Variants in PRP4K observed in about 807,000 individuals in gnomAD.
The protein encoded by PRP4K is serine/threonine-protein kinase PRP4 homolog.
At chr6:4,043,444 A>G in the PRP4K span, among the ~76,000 whole-genome samples, 4 of 152,154 alleles carry the variant, frequency 2.6e-5, no homozygotes, top group African/African-American at 9.7e-5. Context: ...GATATGGTGC[A>G]TCTATTATGT....
chr6:4,049,663 A>T, the PRP4K span: 5 of 1,452,590 alleles, frequency 3.4e-6, no homozygotes, highest in Admixed American at 9.7e-5. Context: ...AAATGACTGC[A>T]CTGTGTTTCC....
the PRP4K span, among the ~76,000 whole-genome samples, chr6:4,022,206 A>G: frequency 8.6e-6 from 1 of 116,654 alleles, no homozygotes; most frequent in Non-Finnish European, 1.6e-5. Context: ...CTTTAGGAGG[A>G]CGAGTGGAAG....
At chr6:4,058,871 T>C in the PRP4K span, 6 of 1,315,584 alleles carry the variant, frequency 4.6e-6, no homozygotes, top group Non-Finnish European at 6.4e-6. Flanking sequence ...GAGTACTAAA[T>C]CATACGAGCT....
chr6:4,045,349 C>G, the PRP4K span, among the ~76,000 whole-genome samples: 3 of 152,114 alleles, frequency 2.0e-5, no homozygotes, highest in African/African-American at 7.2e-5. Flanking sequence ...ATATAGTTTA[C>G]CGACTCCTGC....
the PRP4K span, among the ~76,000 whole-genome samples, chr6:4,052,306 C>T: frequency 1.3e-5 from 2 of 152,098 alleles, no homozygotes; most frequent in Non-Finnish European, 2.9e-5. Flanking sequence ...TTGCTCCTCC[C>T]GGAGTACAGT....
chr6:4,061,597 GTGTTTTTCATT>G, the PRP4K span: 3 of 152,596 alleles, frequency 2.0e-5, no homozygotes, highest in Admixed American at 6.5e-5. Flanking sequence ...TATGGTAAAA[GTGTTTTTCATT>G]TGTTCATTGT....
chr6:4,052,534 T>C, the PRP4K span, among the ~76,000 whole-genome samples: 2 of 152,254 alleles, frequency 1.3e-5, no homozygotes, highest in Admixed American at 6.5e-5. Context: ...AACTGTGTTA[T>C]ATACATACAA....
the PRP4K span, among the ~76,000 whole-genome samples, chr6:4,024,341 A>G: frequency 6.6e-6 from 1 of 152,096 alleles, no homozygotes; most frequent in Non-Finnish European, 1.5e-5. Context: ...CAGTTTCTTA[A>G]AAGATATATA....
the PRP4K span, among the ~76,000 whole-genome samples, chr6:4,052,476 T>G: frequency 2.2e-4 from 34 of 152,344 alleles, 1 homozygote; most frequent in African/African-American, 7.7e-4. Flanking sequence ...GAGTTTTACC[T>G]TGCATATCTT....
the PRP4K span, among the ~76,000 whole-genome samples, chr6:4,024,522 G>A: frequency 1.5e-5 from 2 of 136,102 alleles, no homozygotes; most frequent in African/African-American, 4.9e-5. Context: ...TATTTTGAAT[G>A]CCTACCAAAT....
At chr6:4,022,304 GA>G in the PRP4K span, among the ~76,000 whole-genome samples, 36,623 of 137,172 alleles carry the variant, frequency 0.27, 4,936 homozygotes, top group African/African-American at 0.36. Flanking sequence ...AATGAAAAAT[GA>G]AAAAAAAAAA....
chr6:4,032,188 A>G, the PRP4K span: 2 of 1,614,022 alleles, frequency 1.2e-6, no homozygotes, highest in Non-Finnish European at 1.7e-6. Context: ...AAAAAATCTA[A>G]AAGCCCATCC....
the PRP4K span, among the ~76,000 whole-genome samples, chr6:4,055,914 C>T: frequency 6.6e-6 from 1 of 152,144 alleles, no homozygotes; most frequent in African/African-American, 2.4e-5. Context: ...GCTTTCATTG[C>T]CATTGTAATT....
chr6:4,042,102 C>A, the PRP4K span, among the ~76,000 whole-genome samples: 1 of 152,154 alleles, frequency 6.6e-6, no homozygotes, highest in African/African-American at 2.4e-5. Flanking sequence ...AGCTTTCAGG[C>A]GGTTCTGACA....
chr6:4,025,556 G>A, the PRP4K span, among the ~76,000 whole-genome samples: 2 of 152,132 alleles, frequency 1.3e-5, no homozygotes, highest in African/African-American at 4.8e-5. Context: ...AGCATTTTTA[G>A]CAGGAACCTA....
the PRP4K span, among the ~76,000 whole-genome samples, chr6:4,023,384 C>G: frequency 6.6e-5 from 10 of 151,974 alleles, no homozygotes; most frequent in Non-Finnish European, 1.2e-4. Flanking sequence ...AACTGAAACA[C>G]AGAGAAATTA....
the PRP4K span, chr6:4,032,417 T>A: frequency 2.5e-6 from 4 of 1,613,794 alleles, 1 homozygote; most frequent in African/African-American, 5.3e-5. Context: ...ATTTAAGAGG[T>A]AAATCCAAAG....
At chr6:4,054,496 A>T in the PRP4K span, among the ~76,000 whole-genome samples, 3 of 152,058 alleles carry the variant, frequency 2.0e-5, no homozygotes, top group Non-Finnish European at 2.9e-5. Flanking sequence ...GGCCAATTTC[A>T]TAGTTGATTT....
chr6:4,039,160 C>A, the PRP4K span, among the ~76,000 whole-genome samples: 1 of 152,134 alleles, frequency 6.6e-6, no homozygotes, highest in Non-Finnish European at 1.5e-5. Flanking sequence ...ACAGCTGGAT[C>A]CTTCATTGCT....
Sources: gnomAD v4.1 joint callset for allele counts (sites outside exome capture counted in the v4.1 genomes callset) on GRCh38, gnomAD v4.1.1 for gene constraint, MANE v1.5 for transcripts, NCBI Gene and HGNC (gene_info 2026-07-23, HGNC 2026-07-21) for gene names.